ROBO1: variants seen among roughly 807,000 people sequenced by gnomAD.
The protein encoded by ROBO1 is roundabout homolog 1.
A neutral mutation model predicts 195.9 loss-of-function variants in ROBO1; 149 were observed. The observed-to-expected ratio is 0.76, with a 90% CI of 0.67 to 0.87. The LOEUF (loss-of-function observed/expected upper bound fraction) is 0.87. ROBO1 is among the 40% of genes least tolerant of loss of function. ROBO1 has a pLI of 0.00. For synonymous variants in ROBO1, 816 were observed against 733.2 expected (o/e 1.11, Z -1.82); for missense variants, 1,933 against 2,068.3 (o/e 0.93, Z 1.27).
chr3:79,661,834 G>T (rs368210501), intron 1 of ROBO1, among the ~76,000 whole-genome samples: 2 of 151,984 alleles, frequency 1.3e-5, no homozygotes, highest in African/African-American at 4.8e-5. Flanking sequence ...CTGTCAGCTG[G>T]TTAACAGCAG....
chr3:78,798,827 T>A (rs2084263749), intron 4 of ROBO1, among the ~76,000 whole-genome samples: 1 of 152,176 alleles, frequency 6.6e-6, no homozygotes, highest in South Asian at 2.1e-4. Flanking sequence ...AATGTACAGG[T>A]GAAGCTATTC....
intron 1 of ROBO1, among the ~76,000 whole-genome samples, chr3:79,703,470 A>G (rs1410583227): frequency 6.6e-6 from 1 of 151,810 alleles, no homozygotes; most frequent in East Asian, 1.9e-4. Context: ...GTAATTATCT[A>G]CATTTTGTTC....
chr3:78,670,563 G>A (rs935823398), intron 10 of ROBO1: 10 of 405,996 alleles, frequency 2.5e-5, no homozygotes, highest in African/African-American at 1.0e-4. Flanking sequence ...TAAAGAGTTC[G>A]GGAATTAGGA....
At chr3:79,509,874 T>A (rs1476743651) in intron 2 of ROBO1, among the ~76,000 whole-genome samples, 1 of 152,114 alleles carries the variant, frequency 6.6e-6, no homozygotes, top group Non-Finnish European at 1.5e-5. Flanking sequence ...ATTTTCTGAT[T>A]TCCATTGTCA....
chr3:79,645,295 A>G (rs1187967650), intron 1 of ROBO1, among the ~76,000 whole-genome samples: 1 of 152,000 alleles, frequency 6.6e-6, no homozygotes, highest in African/African-American at 2.4e-5. Context: ...TGAGCCCAGG[A>G]GTTTGAGATT....
intron 2 of ROBO1, among the ~76,000 whole-genome samples, chr3:79,171,161 CTT>C (rs978775534): frequency 6.7e-6 from 1 of 149,112 alleles, no homozygotes; most frequent in African/African-American, 2.4e-5. Context: ...AATTAAATAT[CTT>C]ATGTTAAAAA....
At chr3:79,104,722 T>C (rs966700016) in intron 3 of ROBO1, among the ~76,000 whole-genome samples, 2 of 151,788 alleles carry the variant, frequency 1.3e-5, no homozygotes, top group African/African-American at 4.8e-5. Context: ...ATTATTGTAA[T>C]TAATGTAAAC....
chr3:79,269,552 G>A (rs1275681364), intron 2 of ROBO1, among the ~76,000 whole-genome samples: 1 of 151,612 alleles, frequency 6.6e-6, no homozygotes, highest in Non-Finnish European at 1.5e-5. Context: ...ATAATGTAAT[G>A]ATACTGTGAA....
At chr3:78,657,053 T>C (rs1413432963) in intron 18 of ROBO1, 45 bp downstream of exon 18, 3 of 1,526,554 alleles carry the variant, frequency 2.0e-6, no homozygotes, top group South Asian at 1.3e-5. Flanking sequence ...GTGGGACACA[T>C]GGTAGAGTGA....
intron 3 of ROBO1, among the ~76,000 whole-genome samples, chr3:79,083,114 T>C (rs1472347713): frequency 6.6e-6 from 1 of 152,058 alleles, no homozygotes; most frequent in African/African-American, 2.4e-5. Flanking sequence ...AGAGAATCAC[T>C]TGGGCCAAAG....
chr3:79,401,386 T>C (rs1158189792), intron 2 of ROBO1, among the ~76,000 whole-genome samples: 1 of 151,908 alleles, frequency 6.6e-6, no homozygotes, highest in African/African-American at 2.4e-5. Flanking sequence ...ATTTTGCTGA[T>C]TGAACCACTC....
chr3:79,721,605 A>G (rs1702706316), intron 1 of ROBO1, among the ~76,000 whole-genome samples: 2 of 152,190 alleles, frequency 1.3e-5, no homozygotes, highest in Admixed American at 1.3e-4. Context: ...ACCTTTGAAA[A>G]TATCAAATGA....
chr3:79,170,071 C>T (rs1037785654), intron 2 of ROBO1, among the ~76,000 whole-genome samples: 3 of 152,038 alleles, frequency 2.0e-5, no homozygotes, highest in Non-Finnish European at 2.9e-5. Flanking sequence ...ACAAAGGAAA[C>T]AATAAGTGCA....
At chr3:78,676,336 G>C (rs1359593230) in intron 10 of ROBO1, among the ~76,000 whole-genome samples, 1 of 152,222 alleles carries the variant, frequency 6.6e-6, no homozygotes, top group African/African-American at 2.4e-5. Context: ...GAATGACTTT[G>C]ACGAGTTGAG....
intron 2 of ROBO1, among the ~76,000 whole-genome samples, chr3:79,243,193 A>G (rs1052660162): frequency 4.5e-4 from 68 of 152,090 alleles, no homozygotes; most frequent in African/African-American, 1.6e-3. Context: ...ATAGTATTTC[A>G]TGGTGTATAT....
intron 4 of ROBO1, among the ~76,000 whole-genome samples, chr3:78,879,527 T>TAA (rs36093275): frequency 0.017 from 2,545 of 147,344 alleles, 37 homozygotes; most frequent in African/African-American, 0.038. Flanking sequence ...TTCATTCATT[T>TAA]AAAAAAAAAA....
chr3:79,315,708 C>A (rs1319911053), intron 2 of ROBO1, among the ~76,000 whole-genome samples: 1 of 152,096 alleles, frequency 6.6e-6, no homozygotes, highest in Admixed American at 6.6e-5. Context: ...TACCAGACTG[C>A]AAGTACAGAT....
At chr3:79,208,686 CATGTGTGT>C (rs1559736242) in intron 2 of ROBO1, among the ~76,000 whole-genome samples, 1 of 79,950 alleles carries the variant, frequency 1.3e-5, no homozygotes, top group Non-Finnish European at 2.4e-5. Flanking sequence ...GGTGGTGGGG[CATGTGTGT>C]GTGTGTGTGT....
chr3:79,011,587 T>C lies in ROBO1; in HGVS notation c.173-72660A>G, dbSNP rs374524874. The stretch of plus-strand genomic sequence containing the variant: ...TCACGTTAGTGCAGAGAAGCTAAAA[T>C]CTAGCCTTCTACCAAAACCCAGGAA... On this transcript the variant is annotated intron_variant, in intron 3 of 30. Transcript: ENST00000464233. Among the ~76,000 whole-genome samples the C allele has an allele frequency of 8.6e-5, 13 of 151,742 alleles. No individual in the cohort carries two copies. In the East Asian group the frequency reaches 1.4e-3, roughly 16 times the overall value.
Sources: allele counts gnomAD v4.1 joint callset (sites outside exome capture counted in the v4.1 genomes callset), GRCh38; gene constraint gnomAD v4.1.1; transcripts MANE v1.5; gene names NCBI Gene and HGNC (gene_info 2026-07-23, HGNC 2026-07-21).